Variants in TASP1 observed in about 807,000 individuals in gnomAD.
The protein encoded by TASP1 is threonine aspartase 1.
A neutral mutation model predicts 56.6 loss-of-function variants in TASP1; 16 were observed. The observed-to-expected ratio is 0.28, with a 90% CI of 0.19 to 0.43. The LOEUF is 0.43. TASP1 is among the 20% of genes least tolerant of loss of function. The pLI, the probability that TASP1 is intolerant of heterozygous loss-of-function variation, is 1.00. For synonymous variants in TASP1, 179 were observed against 184.2 expected (o/e 0.97, Z 0.23); for missense variants, 393 against 511.6 (o/e 0.77, Z 2.24).
chr20:13,220,152 G>C, the TASP1 span, among the ~76,000 whole-genome samples: 4 of 152,160 alleles, frequency 2.6e-5, no homozygotes, highest in African/African-American at 9.7e-5. Flanking sequence ...GCCGGCGCTG[G>C]GGAGGAGGAA....
intron 10 of TASP1, among the ~76,000 whole-genome samples, chr20:13,517,455 T>G (rs1362732754): frequency 6.6e-6 from 1 of 152,266 alleles, no homozygotes; most frequent in South Asian, 2.1e-4. Flanking sequence ...AAATATTAAA[T>G]GAACAAAGTA....
chr20:13,631,180 T>C (rs556605694), intron 1 of TASP1, among the ~76,000 whole-genome samples: 1 of 152,138 alleles, frequency 6.6e-6, no homozygotes, highest in Non-Finnish European at 1.5e-5. Context: ...AAGAGTCTAT[T>C]TAATTTTTAT....
chr20:13,345,965 C>A, the TASP1 span, among the ~76,000 whole-genome samples: 4 of 150,986 alleles, frequency 2.6e-5, no homozygotes, highest in South Asian at 8.5e-4. Context: ...GACTACTTGG[C>A]CGACATACTA....
chr20:13,418,135 CT>C (rs1163354650), intron 12 of TASP1, among the ~76,000 whole-genome samples: 1 of 152,174 alleles, frequency 6.6e-6, no homozygotes, highest in Non-Finnish European at 1.5e-5. Context: ...TGGTCTCGAA[CT>C]CCTGACCTCA....
chr20:13,179,120 A>C, the TASP1 span, among the ~76,000 whole-genome samples: 1 of 152,204 alleles, frequency 6.6e-6, no homozygotes, highest in Non-Finnish European at 1.5e-5. Flanking sequence ...AATTGAGGAT[A>C]CTACAAAGAT....
intron 11 of TASP1, among the ~76,000 whole-genome samples, chr20:13,437,221 C>T (rs2043035778): frequency 6.6e-6 from 1 of 152,152 alleles, no homozygotes; most frequent in African/African-American, 2.4e-5. Context: ...AATCAATAAA[C>T]ATAGTCCAGC....
At chr20:13,628,903 T>C (rs2048989875) in intron 2 of TASP1, among the ~76,000 whole-genome samples, 1 of 152,218 alleles carries the variant, frequency 6.6e-6, no homozygotes. Context: ...TCTGTCCTCA[T>C]GGTCCTCTGA....
At chr20:13,581,436 G>A (rs1462139397) in intron 5 of TASP1, among the ~76,000 whole-genome samples, 1 of 152,112 alleles carries the variant, frequency 6.6e-6, no homozygotes, top group African/African-American at 2.4e-5. Flanking sequence ...ATTGACCTTG[G>A]AGAGAAAAAT....
At chr20:13,216,512 T>C in the TASP1 span, among the ~76,000 whole-genome samples, 1 of 152,242 alleles carries the variant, frequency 6.6e-6, no homozygotes, top group Non-Finnish European at 1.5e-5. Flanking sequence ...GGTTTCCCAC[T>C]GCAACACCAG....
At chr20:13,503,321 T>C (rs900170783) in intron 10 of TASP1, among the ~76,000 whole-genome samples, 1 of 152,036 alleles carries the variant, frequency 6.6e-6, no homozygotes, top group Non-Finnish European at 1.5e-5. Flanking sequence ...AAGTGTCTTG[T>C]GCAGATAGCC....
chr20:13,224,170 C>T, the TASP1 span, among the ~76,000 whole-genome samples: 409 of 152,250 alleles, frequency 2.7e-3, 1 homozygote, highest in African/African-American at 9.3e-3. Context: ...TTCGGTGAGA[C>T]TGTCCACTCA....
chr20:13,327,843 T>A, the TASP1 span, among the ~76,000 whole-genome samples: 1 of 152,024 alleles, frequency 6.6e-6, no homozygotes, highest in Non-Finnish European at 1.5e-5. Flanking sequence ...AACCCAAAAC[T>A]ATAAAAATCC....
intron 4 of TASP1, among the ~76,000 whole-genome samples, chr20:13,598,435 T>G (rs1205092288): frequency 4.6e-5 from 7 of 152,062 alleles, no homozygotes; most frequent in Non-Finnish European, 1.0e-4. Context: ...AATGGGGAAA[T>G]GATTCCCTAT....
intron 3 of TASP1, 103 bp downstream of exon 3, chr20:13,625,082 G>A (rs2048840692): frequency 2.5e-6 from 2 of 804,602 alleles, no homozygotes; most frequent in East Asian, 5.9e-5. Flanking sequence ...AGTCCAAACT[G>A]GAAGACTGTC....
intron 11 of TASP1, among the ~76,000 whole-genome samples, chr20:13,464,033 G>T (rs2044156114): frequency 6.6e-6 from 1 of 152,076 alleles, no homozygotes; most frequent in African/African-American, 2.4e-5. Context: ...AAATCTCAAA[G>T]AGATATTTGT....
chr20:13,522,971 A>C (rs2044823910), intron 10 of TASP1, among the ~76,000 whole-genome samples: 1 of 152,180 alleles, frequency 6.6e-6, no homozygotes, highest in Non-Finnish European at 1.5e-5. Flanking sequence ...CAACCGTGTC[A>C]AATGTTGCTT....
At chr20:13,362,812 T>C in the TASP1 span, among the ~76,000 whole-genome samples, 1 of 67,268 alleles carries the variant, frequency 1.5e-5, no homozygotes, top group Non-Finnish European at 2.6e-5. Flanking sequence ...GCAAGAAATA[T>C]ATATATATAT....
At chr20:13,112,964 C>A in the TASP1 span, among the ~76,000 whole-genome samples, 7 of 152,146 alleles carry the variant, frequency 4.6e-5, no homozygotes, top group Non-Finnish European at 4.4e-5. Flanking sequence ...AGGTGGATTA[C>A]TTGAGGTTAG....
chr20:13,461,644 G>T (rs543319829), intron 11 of TASP1, among the ~76,000 whole-genome samples: 4 of 152,118 alleles, frequency 2.6e-5, no homozygotes, highest in African/African-American at 7.2e-5. Flanking sequence ...GTTATGGACT[G>T]TATGTAAACA....
Sources: allele counts gnomAD v4.1 joint callset (sites outside exome capture counted in the v4.1 genomes callset), GRCh38; gene constraint gnomAD v4.1.1; transcripts MANE v1.5; gene names NCBI Gene and HGNC (gene_info 2026-07-23, HGNC 2026-07-21).